Variants in MAGI3 observed in about 807,000 individuals in gnomAD.
The protein encoded by MAGI3 is membrane associated guanylate kinase, WW and PDZ domain containing 3.
In MAGI3, 43 loss-of-function variants were observed where a neutral mutation model predicts 121.8. That is an observed-to-expected ratio of 0.35 (90% CI 0.28 to 0.46). MAGI3 has a LOEUF of 0.46. MAGI3 is among the 20% of genes least tolerant of loss of function. The pLI, the probability that MAGI3 is intolerant of heterozygous loss-of-function variation, is 1.00. For synonymous variants in MAGI3, 553 were observed against 639.3 expected, an observed-to-expected ratio of 0.86 and a Z score of 2.04; for missense variants, 1,547 against 1,797.3, an observed-to-expected ratio of 0.86 and a Z score of 2.52.
intron 2 of MAGI3, among the ~76,000 whole-genome samples, chr1:113,554,006 TCAAA>T (rs767013543): frequency 7.9e-5 from 12 of 152,296 alleles, no homozygotes; most frequent in African/African-American, 2.2e-4. Flanking sequence ...AGACTACGTC[TCAAA>T]CAAACAAACA....
At chr1:113,597,345 G>A (rs1557843268) in intron 6 of MAGI3, among the ~76,000 whole-genome samples, 1 of 152,176 alleles carries the variant, frequency 6.6e-6, no homozygotes, top group African/African-American at 2.4e-5. Flanking sequence ...ACAGCATGAG[G>A]AATCTTCTTG....
intron 2 of MAGI3, among the ~76,000 whole-genome samples, chr1:113,578,623 A>G (rs1055976071): frequency 6.6e-5 from 10 of 152,038 alleles, no homozygotes; most frequent in East Asian, 1.9e-4. Context: ...AGGTCTTACT[A>G]TGTTGCCCAG....
intron 19 of MAGI3, among the ~76,000 whole-genome samples, chr1:113,677,081 A>T (rs1407641054): frequency 6.6e-6 from 1 of 152,156 alleles, no homozygotes; most frequent in Non-Finnish European, 1.5e-5. Context: ...CATAGATGGA[A>T]GGATATTGAG....
intron 1 of MAGI3, among the ~76,000 whole-genome samples, chr1:113,515,376 A>ATTT (rs1657842557): frequency 6.6e-6 from 1 of 152,088 alleles, no homozygotes. Context: ...TAGGAAATGA[A>ATTT]TTTTTACTAT....
intron 9 of MAGI3, among the ~76,000 whole-genome samples, chr1:113,630,941 C>T (rs1452562443): frequency 1.3e-5 from 2 of 152,156 alleles, no homozygotes; most frequent in East Asian, 1.9e-4. Context: ...TCATTTCACT[C>T]GGGGCCCAGA....
chr1:113,576,752 C>T (rs961218083), intron 2 of MAGI3: 1 of 152,134 alleles, frequency 6.6e-6, no homozygotes, highest in African/African-American at 2.4e-5. Context: ...AAAGCAATTG[C>T]TTTATGAGGT....
intron 1 of MAGI3, among the ~76,000 whole-genome samples, chr1:113,503,512 A>G (rs533963045): frequency 2.0e-5 from 3 of 152,106 alleles, no homozygotes; most frequent in South Asian, 4.1e-4. Context: ...TCACAGTACG[A>G]TAATTTTTCT....
chr1:113,636,228 T>G (rs1652010958), intron 9 of MAGI3, among the ~76,000 whole-genome samples: 1 of 152,170 alleles, frequency 6.6e-6, no homozygotes, highest in African/African-American at 2.4e-5. Flanking sequence ...TCTATTTCCT[T>G]CAGTTCTGTT....
intron 4 of MAGI3, among the ~76,000 whole-genome samples, chr1:113,588,957 G>A (rs1394118937): frequency 6.6e-6 from 1 of 152,154 alleles, no homozygotes; most frequent in Non-Finnish European, 1.5e-5. Flanking sequence ...GGTTGGATAT[G>A]ATCTAATAGA....
At chr1:113,527,531 C>T (rs1658510658) in intron 1 of MAGI3, among the ~76,000 whole-genome samples, 1 of 151,988 alleles carries the variant, frequency 6.6e-6, no homozygotes, top group African/African-American at 2.4e-5. Context: ...AACTTGGTGC[C>T]AAATGGAAAG....
intron 1 of MAGI3, among the ~76,000 whole-genome samples, chr1:113,483,444 C>T (rs556442078): frequency 6.6e-6 from 1 of 152,148 alleles, no homozygotes; most frequent in Non-Finnish European, 1.5e-5. Flanking sequence ...TTTGATTTCT[C>T]TCTCTGTCCT....
intron 6 of MAGI3, among the ~76,000 whole-genome samples, chr1:113,596,184 G>C (rs927012282): frequency 6.6e-6 from 1 of 151,992 alleles, no homozygotes; most frequent in African/African-American, 2.4e-5. Flanking sequence ...AAGACAGTTT[G>C]GTATTGGCAT....
chr1:113,407,220 A>C (rs1298458614), intron 1 of MAGI3, among the ~76,000 whole-genome samples: 1 of 152,184 alleles, frequency 6.6e-6, no homozygotes, highest in East Asian at 1.9e-4. Context: ...CAAGAGTGGA[A>C]GAAGGGAAAC....
At chr1:113,561,180 CAG>C in intron 2 of MAGI3, among the ~76,000 whole-genome samples, 1 of 152,266 alleles carries the variant, frequency 6.6e-6, no homozygotes, top group East Asian at 1.9e-4. Flanking sequence ...TGAATTCTAC[CAG>C]AGGTACAAAG....
chr1:113,639,820 A>G (rs1404738690), intron 9 of MAGI3, among the ~76,000 whole-genome samples: 1 of 152,098 alleles, frequency 6.6e-6, no homozygotes, highest in African/African-American at 2.4e-5. Context: ...CACCTGCCTC[A>G]GCCTCCCAAA....
chr1:113,611,643 A>G (rs1414637386), intron 6 of MAGI3, among the ~76,000 whole-genome samples: 2 of 152,074 alleles, frequency 1.3e-5, no homozygotes, highest in Non-Finnish European at 2.9e-5. Context: ...ATTGCACACC[A>G]TCTATTTCGT....
intron 9 of MAGI3, among the ~76,000 whole-genome samples, chr1:113,639,968 C>T (rs1652349259): frequency 1.3e-5 from 2 of 152,192 alleles, no homozygotes; most frequent in African/African-American, 4.8e-5. Flanking sequence ...GCATGAGCCG[C>T]TGCGCCTGGC....
At chr1:113,521,121 C>G (rs1394489342) in intron 1 of MAGI3, among the ~76,000 whole-genome samples, 2 of 149,026 alleles carry the variant, frequency 1.3e-5, no homozygotes, top group African/African-American at 2.5e-5. Context: ...AAGTCTCGCT[C>G]TATCACCCAG....
intron 1 of MAGI3, among the ~76,000 whole-genome samples, chr1:113,501,728 T>C: frequency 2.0e-4 from 1 of 4,976 alleles, no homozygotes; most frequent in Non-Finnish European, 3.0e-4. Flanking sequence ...TTAAAGTTCA[T>C]ATGGAACCAA....
Sources: gnomAD v4.1 joint callset for allele counts (sites outside exome capture counted in the v4.1 genomes callset) on GRCh38, gnomAD v4.1.1 for gene constraint, MANE v1.5 for transcripts, NCBI Gene and HGNC (gene_info 2026-07-23, HGNC 2026-07-21) for gene names.